CSRP1: variants seen among roughly 807,000 people sequenced by gnomAD.
CSRP1 encodes the protein cysteine and glycine rich protein 1.
In CSRP1, 16 loss-of-function variants were observed where a neutral mutation model predicts 25.4. The ratio of observed to expected loss-of-function variants is 0.63; its 90% CI spans 0.43 to 0.96. CSRP1 has a LOEUF of 0.96. Ranked by LOEUF, CSRP1 falls within the 40% of genes least tolerant of loss-of-function variation. The pLI is 0.00. For synonymous variants in CSRP1, 97 were observed against 95.3 expected, an observed-to-expected ratio of 1.02 and a Z score of -0.10; for missense variants, 212 against 243.6, an observed-to-expected ratio of 0.87 and a Z score of 0.86.
In CSRP1 at chr1:201,489,025, A is replaced by C. The variant is rs527315550; in HGVS notation, c.282-41T>G. The C allele has an allele frequency of 1.0e-4, 162 of 1,610,616 alleles. No homozygotes were observed. In the South Asian group the frequency reaches 1.7e-3, roughly 17 times the overall value. ...CATGGGGTGAGGTGACTTACACTGT[A>C]AGTACAGGTGGGGCTGGCACTGAGA... is the stretch of plus-strand genomic sequence containing the variant. On this transcript the variant is annotated intron_variant, in intron 3 of 5. Coordinates refer to ENST00000340006, the MANE Select transcript of CSRP1 (RefSeq NM_004078.3).
At chr1:201,494,081 C>A (rs1664423956) in intron 2 of CSRP1, among the ~76,000 whole-genome samples, 1 of 152,056 alleles carries the variant, frequency 6.6e-6, no homozygotes, top group African/African-American at 2.4e-5. Flanking sequence ...CATTGCATAA[C>A]ACCCCCGCAC....
Position 201,490,265 on chromosome 1 carries a change from C to T in CSRP1, c.192G>A (p.Lys64=). The part of the protein sequence containing the change: ...EEIYCKSCYG[K]KYGPKGYGYG... Reference sequence around the variant, plus strand: ...AGCCATAGCCTTTGGGCCCATACTTCTTGCCGTAGCAGGACTTGCAGTAAA... The same window carrying T: ...AGCCATAGCCTTTGGGCCCATACTTTTTGCCGTAGCAGGACTTGCAGTAAA... The change falls in exon 3 of 6, where the codon AAG becomes AAA. Residue 64 remains lysine, a synonymous_variant. Coordinates refer to ENST00000340006, the MANE Select transcript of CSRP1 (RefSeq NM_004078.3). 6.2e-7 allele frequency: 1 copy of T among 1,614,208 alleles called. No individual in the cohort carries two copies. The highest frequency in any genetic ancestry group is 8.5e-7 in the Non-Finnish European group (1 of 1,180,032).
At chr1:201,501,199 G>A (rs1358787736) in intron 1 of CSRP1, among the ~76,000 whole-genome samples, 1 of 152,156 alleles carries the variant, frequency 6.6e-6, no homozygotes, top group Non-Finnish European at 1.5e-5. Context: ...TCACACGACT[G>A]GACCAGTCAT....
chr1:201,490,277 G>C lies in CSRP1; in HGVS notation c.180C>G (p.Ser60=). The change falls in exon 3 of 6, where the codon TCC becomes TCG. Residue 60 remains serine (S), a synonymous_variant. Transcript: ENST00000340006. ...TGGGCCCATACTTCTTGCCGTAGCA[G>C]GACTTGCAGTAAATCTCCTCACCAT... ...AVHGEEIYCK[S]CYGKKYGPKG... 1 of 1,614,150 alleles carries C rather than the reference G, an allele frequency of 6.2e-7. No homozygotes were observed. Among genetic ancestry groups the C allele is most frequent in the Non-Finnish European group, 8.5e-7 (1 of 1,180,034 alleles).
intron 1 of CSRP1, chr1:201,496,589 A>C: frequency 4.4e-6 from 2 of 453,070 alleles, no homozygotes. Flanking sequence ...TCAGCAGAAG[A>C]AGCAGGCTTT....
chr1:201,493,418 G>T (rs756728320), intron 2 of CSRP1, among the ~76,000 whole-genome samples: 1 of 152,198 alleles, frequency 6.6e-6, no homozygotes, highest in East Asian at 1.9e-4. Context: ...TAGTGAAAAA[G>T]TCTTACAAGA....
At chr1:201,494,646 TGAACAGGTG>T (rs1664447306) in intron 2 of CSRP1, among the ~76,000 whole-genome samples, 1 of 152,184 alleles carries the variant, frequency 6.6e-6, no homozygotes, top group African/African-American at 2.4e-5. Context: ...AAACGTCCAT[TGAACAGGTG>T]GCTCTTGGCC....
chr1:201,489,145 T>C, intron 3 of CSRP1, 161 bp from the exon 4 acceptor site: 1 of 789,622 alleles, frequency 1.3e-6, no homozygotes. Context: ...TCTCCCATTT[T>C]ACAGATGGAC....
chr1:201,489,206 C>T (rs778103061), intron 3 of CSRP1: 52 of 459,302 alleles, frequency 1.1e-4, no homozygotes, highest in Middle Eastern at 5.9e-4. Context: ...ATACTTCCCT[C>T]GGTCACCCAG....
intron 2 of CSRP1, among the ~76,000 whole-genome samples, chr1:201,495,274 T>A (rs888776017): frequency 6.6e-6 from 1 of 152,146 alleles, no homozygotes; most frequent in Non-Finnish European, 1.5e-5. Context: ...GTGGCATGCA[T>A]GTGTAGTCCT....
At chr1:201,500,127 G>A (rs890456883) in intron 1 of CSRP1, among the ~76,000 whole-genome samples, 5 of 150,066 alleles carry the variant, frequency 3.3e-5, no homozygotes, top group African/African-American at 1.0e-4. Flanking sequence ...ATATTTAAGA[G>A]GGGCTGCTCA....
chr1:201,505,524 C>T (rs941996504), intron 1 of CSRP1, among the ~76,000 whole-genome samples: 1 of 152,152 alleles, frequency 6.6e-6, no homozygotes, highest in Non-Finnish European at 1.5e-5. Context: ...TTCCCCATAC[C>T]CTCCATCCTG....
At chr1:201,503,686 C>T (rs548570771) in intron 1 of CSRP1, among the ~76,000 whole-genome samples, 76 of 152,306 alleles carry the variant, frequency 5.0e-4, no homozygotes, top group Middle Eastern at 3.4e-3. Context: ...CAGACACATT[C>T]CTGGGTAGCT....
intron 4 of CSRP1, chr1:201,488,195 T>G (rs1557971392): frequency 6.6e-6 from 1 of 152,210 alleles, no homozygotes; most frequent in Non-Finnish European, 1.5e-5. Context: ...TACTGCAGCC[T>G]ATCTGAAGGA....
intron 5 of CSRP1, among the ~76,000 whole-genome samples, chr1:201,485,026 G>A (rs1664089886): frequency 6.6e-6 from 1 of 152,034 alleles, no homozygotes; most frequent in South Asian, 2.1e-4. Context: ...AGCATCATCT[G>A]CTGTAAGAAC....
chr1:201,499,355 C>T (rs1351246976), intron 1 of CSRP1, among the ~76,000 whole-genome samples: 1 of 152,198 alleles, frequency 6.6e-6, no homozygotes, highest in Non-Finnish European at 1.5e-5. Flanking sequence ...AGCCTCTGTC[C>T]CCTAAGCCAA....
At position 201,489,869 on chromosome 1, in the gene CSRP1, C is replaced by CA. The variant is rs778389830; in HGVS notation, c.281+306dup. The CA allele has an allele frequency of 6.1e-3, 1,425 of 233,610 alleles. 9 individuals carry two copies. Among genetic ancestry groups the CA allele is most frequent in the East Asian group, 0.027 (304 of 11,198 alleles). The allele number at this position is 233,610 out of a possible 1,614,324, so 14.5% of individuals were successfully genotyped here. On this transcript the variant is annotated intron_variant, in intron 3 of 5. Coordinates refer to ENST00000340006, the MANE Select transcript of CSRP1 (RefSeq NM_004078.3). ...TGGGTGACAGAGCAAGACTCCCTTT[C>CA]AAAAAAAAACAAAAAAAGAGGAAAT...
intron 1 of CSRP1, among the ~76,000 whole-genome samples, chr1:201,505,272 G>A (rs2210733): frequency 0.59 from 89,853 of 151,996 alleles, 28,325 homozygotes; most frequent in Non-Finnish European, 0.71. Context: ...TCAAATGTTT[G>A]CTGATCACTC....
chr1:201,485,841 C>G (rs1446536268), intron 4 of CSRP1: 1 of 157,678 alleles, frequency 6.3e-6, no homozygotes, highest in Non-Finnish European at 1.4e-5. Flanking sequence ...CTCATAGAGA[C>G]CCAAAGGGTC....
Sources: gnomAD v4.1 joint callset for allele counts (sites outside exome capture counted in the v4.1 genomes callset) on GRCh38, gnomAD v4.1.1 for gene constraint, MANE v1.5 for transcripts, NCBI Gene and HGNC (gene_info 2026-07-23, HGNC 2026-07-21) for gene names.